SLC14A2: variants seen among roughly 807,000 people sequenced by gnomAD.
SLC14A2 encodes solute carrier family 14 member 2.
SLC14A2 carries 91 observed loss-of-function variants against 104.6 expected under a neutral mutation model. That is an observed-to-expected ratio of 0.87 (90% CI 0.73 to 1.04). The LOEUF (loss-of-function observed/expected upper bound fraction) is 1.04. Among genes scored for constraint, SLC14A2 ranks in the 50% least tolerant of loss-of-function variants. The pLI is 0.00. For missense variants in SLC14A2, 1,189 were observed against 1,156.0 expected, an observed-to-expected ratio of 1.03 and a Z score of -0.41; for synonymous variants, 476 against 466.4, an observed-to-expected ratio of 1.02 and a Z score of -0.27.
chr18:45,605,193 G>A (rs2044849219), intron 2 of SLC14A2, among the ~76,000 whole-genome samples: 1 of 152,168 alleles, frequency 6.6e-6, no homozygotes, highest in African/African-American at 2.4e-5. Flanking sequence ...ACATGTGACA[G>A]GTAACAACTT....
intron 2 of SLC14A2, among the ~76,000 whole-genome samples, chr18:45,581,287 A>G (rs79599338): frequency 0.02 from 3,065 of 152,284 alleles, 103 homozygotes; most frequent in African/African-American, 0.069. Flanking sequence ...GGGCTGCAGG[A>G]ACAAAGGACA....
chr18:45,440,820 C>T (rs2086670958), intron 1 of SLC14A2, among the ~76,000 whole-genome samples: 1 of 152,176 alleles, frequency 6.6e-6, no homozygotes, highest in Admixed American at 6.5e-5. Context: ...TTGCTATTGT[C>T]ACTTAAGTCA....
intron 1 of SLC14A2, among the ~76,000 whole-genome samples, chr18:45,466,434 C>T (rs1229971119): frequency 6.6e-6 from 1 of 151,534 alleles, no homozygotes; most frequent in African/African-American, 2.4e-5. Flanking sequence ...GAAGAATGTG[C>T]TAGCAAAGCT....
At chr18:45,422,511 A>G (rs2086363595) in intron 1 of SLC14A2, among the ~76,000 whole-genome samples, 2 of 152,254 alleles carry the variant, frequency 1.3e-5, no homozygotes, top group Non-Finnish European at 2.9e-5. Context: ...CGTGAGGTGG[A>G]AGGGGAGGCG....
At chr18:45,292,889 A>G (rs1239675429) in intron 1 of SLC14A2, among the ~76,000 whole-genome samples, 2 of 151,996 alleles carry the variant, frequency 1.3e-5, no homozygotes, top group Non-Finnish European at 2.9e-5. Context: ...TTTCATGTAC[A>G]CTCCCAATGG....
chr18:45,534,423 G>C (rs976264833), intron 2 of SLC14A2, among the ~76,000 whole-genome samples: 5 of 152,280 alleles, frequency 3.3e-5, no homozygotes, highest in African/African-American at 1.2e-4. Context: ...GTTAGCAGCT[G>C]AAAAAGAGCT....
At chr18:45,505,158 G>A (rs2043262357) in intron 2 of SLC14A2, among the ~76,000 whole-genome samples, 1 of 152,112 alleles carries the variant, frequency 6.6e-6, no homozygotes, top group South Asian at 2.1e-4. Context: ...ATTTTATGAG[G>A]GATTAGAAGT....
chr18:45,631,149 C>T (rs2045339089), intron 4 of SLC14A2, among the ~76,000 whole-genome samples: 1 of 152,226 alleles, frequency 6.6e-6, no homozygotes, highest in Non-Finnish European at 1.5e-5. Flanking sequence ...TAAGGTTTAG[C>T]ACGCCCACAT....
chr18:45,389,725 T>A (rs1188185512), intron 1 of SLC14A2, among the ~76,000 whole-genome samples: 1 of 152,210 alleles, frequency 6.6e-6, no homozygotes, highest in Non-Finnish European at 1.5e-5. Context: ...ATAGTTAAAG[T>A]CTGACATGAA....
the SLC14A2 span, among the ~76,000 whole-genome samples, chr18:45,183,794 G>A: frequency 2.0e-5 from 3 of 151,320 alleles, no homozygotes; most frequent in Non-Finnish European, 4.4e-5. Context: ...GGAGTGCAGT[G>A]GTGTGATCAT....
At chr18:45,456,725 T>G (rs1415532980) in intron 1 of SLC14A2, among the ~76,000 whole-genome samples, 3 of 149,884 alleles carry the variant, frequency 2.0e-5, no homozygotes, top group African/African-American at 7.4e-5. Flanking sequence ...GAGAGTGGTG[T>G]TTTTTTCCTT....
intron 1 of SLC14A2, among the ~76,000 whole-genome samples, chr18:45,472,293 G>T (rs2926648): frequency 0.22 from 33,514 of 152,052 alleles, 4,016 homozygotes; most frequent in Non-Finnish European, 0.27. Context: ...GCATTTGGGT[G>T]GGTTCCAAGT....
chr18:45,435,315 T>C (rs1253188427), intron 1 of SLC14A2: 1 of 152,198 alleles, frequency 6.6e-6, no homozygotes, highest in East Asian at 1.9e-4. Flanking sequence ...AGCAGGAAGA[T>C]ATTAGCCCAA....
intron 2 of SLC14A2, among the ~76,000 whole-genome samples, chr18:45,569,692 T>C (rs1456433089): frequency 6.6e-6 from 1 of 152,220 alleles, no homozygotes; most frequent in African/African-American, 2.4e-5. Context: ...CTCATGCTAT[T>C]ATGGCAAAGT....
chr18:45,309,125 C>T (rs764131673), intron 1 of SLC14A2, among the ~76,000 whole-genome samples: 1 of 152,064 alleles, frequency 6.6e-6, no homozygotes, highest in Non-Finnish European at 1.5e-5. Context: ...TTCTCTATGC[C>T]AAGGTTCTAT....
chr18:45,262,258 T>A (rs2144101414), intron 1 of SLC14A2, among the ~76,000 whole-genome samples: 1 of 152,314 alleles, frequency 6.6e-6, no homozygotes, highest in Middle Eastern at 3.4e-3. Context: ...TGAGGTCAAT[T>A]CTACCCTCAT....
intron 1 of SLC14A2, among the ~76,000 whole-genome samples, chr18:45,352,753 G>A (rs2085515837): frequency 1.3e-5 from 2 of 152,166 alleles, no homozygotes; most frequent in South Asian, 4.1e-4. Context: ...CGGAAGAAAG[G>A]AGAGTTGTGC....
chr18:45,519,412 ATTC>A (rs2043485995), intron 2 of SLC14A2, among the ~76,000 whole-genome samples: 1 of 152,184 alleles, frequency 6.6e-6, no homozygotes, highest in African/African-American at 2.4e-5. Context: ...AGGGGAAATT[ATTC>A]TTTATCTGCC....
intron 1 of SLC14A2, among the ~76,000 whole-genome samples, chr18:45,412,552 C>G (rs1364534242): frequency 6.6e-6 from 1 of 152,148 alleles, no homozygotes; most frequent in Non-Finnish European, 1.5e-5. Context: ...AACCTCACCC[C>G]CCAGAGGAAT....
Sources: gnomAD v4.1 joint callset for allele counts (sites outside exome capture counted in the v4.1 genomes callset) on GRCh38, gnomAD v4.1.1 for gene constraint, MANE v1.5 for transcripts, NCBI Gene and HGNC (gene_info 2026-07-23, HGNC 2026-07-21) for gene names.